The following NAV1 variants were observed in gnomAD, a reference collection of about 807,000 sequenced individuals.
NAV1 encodes the protein pore membrane and/or filament interacting like protein 3.
Under a neutral mutation model 175.2 loss-of-function variants are expected in NAV1, and 18 were observed. That is an observed-to-expected ratio of 0.10 (90% confidence interval 0.07 to 0.15). The LOEUF (loss-of-function observed/expected upper bound fraction) is 0.15, where lower values mean the gene tolerates loss of function less well. Ranked by LOEUF, NAV1 falls within the 10% of genes least tolerant of loss-of-function variation. NAV1 has a pLI of 1.00. For missense variants in NAV1, 1,731 were observed against 2,436.6 expected, an observed-to-expected ratio of 0.71 and a Z score of 6.10; for synonymous variants, 897 against 978.7, an observed-to-expected ratio of 0.92 and a Z score of 1.56.
At chr1:201,560,573 C>T (rs1666168291) in intron 1 of NAV1, among the ~76,000 whole-genome samples, 5 of 152,214 alleles carry the variant, frequency 3.3e-5, no homozygotes, top group Admixed American at 3.3e-4. Flanking sequence ...CTGGAATTGG[C>T]AATGGACCCT....
At chr1:201,673,056 C>T (rs1670106008) in intron 1 of NAV1, 1 of 152,238 alleles carries the variant, frequency 6.6e-6, no homozygotes, top group Admixed American at 6.5e-5. Flanking sequence ...TAATTTTAAA[C>T]ACACCTCTTT....
At chr1:201,633,524 G>A (rs749945656) in intron 2 of NAV1, among the ~76,000 whole-genome samples, 1 of 152,178 alleles carries the variant, frequency 6.6e-6, no homozygotes, top group Non-Finnish European at 1.5e-5. Context: ...GTCGCACACT[G>A]TCCAAGCTCA....
At chr1:201,805,132 A>G (rs2102796076) in intron 17 of NAV1, among the ~76,000 whole-genome samples, 1 of 152,308 alleles carries the variant, frequency 6.6e-6, no homozygotes, top group East Asian at 1.9e-4. Context: ...TATGAACCAG[A>G]TACCTGAGGT....
upstream of NAV1, among the ~76,000 whole-genome samples, chr1:201,647,855 T>A (rs973307007): frequency 6.6e-6 from 1 of 151,744 alleles, no homozygotes; most frequent in Non-Finnish European, 1.5e-5. Flanking sequence ...TGAGCCGCCC[T>A]CCCTCCGTCT....
rs1671108739 is a variant in NAV1, at chr1:201,694,579, T to C, written c.758-18238T>C. Among the ~76,000 whole-genome samples, 1 of 152,106 alleles carries C rather than the reference T, an allele frequency of 6.6e-6. No individual in the cohort carries two copies. The highest frequency in any genetic ancestry group is 2.4e-5 in the African/African-American group (1 of 41,410). ...AGGGAGGAGGGTAAGTCTGGGAAGCTGGCCCCAGTGGGTGATCAGCAACAT... is the reference window on the plus strand; with the variant it reads ...AGGGAGGAGGGTAAGTCTGGGAAGCCGGCCCCAGTGGGTGATCAGCAACAT... On this transcript the variant is annotated intron_variant, in intron 1 of 29. Transcript: ENST00000367296. The surrounding 1 kb of genome is among the most constrained non-coding windows in gnomAD (Gnocchi z 4.2).
In NAV1 at chr1:201,733,151, C is replaced by T. The variant is rs113926304; in HGVS notation, c.1226+14396C>T. 2.8e-3 allele frequency among the ~76,000 whole-genome samples: 424 copies of T among 151,372 alleles called. 1 individual carries two copies. The highest frequency in any genetic ancestry group is 9.1e-3 in the African/African-American group (373 of 41,200). On this transcript the variant is annotated intron_variant, in intron 3 of 29. Coordinates refer to ENST00000367296, the Ensembl canonical transcript of NAV1. ...ATCCCAGCATTTTTGGAGGCCAAGGCGGGCGGATCATGAGGTCAAGAGATC... is the reference window on the plus strand; with the variant it reads ...ATCCCAGCATTTTTGGAGGCCAAGGTGGGCGGATCATGAGGTCAAGAGATC...
intron 1 of NAV1, among the ~76,000 whole-genome samples, chr1:201,699,654 C>T (rs1394643265): frequency 6.6e-6 from 1 of 152,184 alleles, no homozygotes; most frequent in African/African-American, 2.4e-5. Flanking sequence ...GCCAAAAGAA[C>T]AAAGCTGGAG....
At chr1:201,785,261 C>T (rs754744333) in intron 7 of NAV1, 49 bp from the exon 12 acceptor site, 5 of 1,588,042 alleles carry the variant, frequency 3.1e-6, no homozygotes, top group Admixed American at 1.7e-5. Flanking sequence ...AAGATGGACC[C>T]ACATGCTTCT....
chr1:201,780,932 A>T (rs1676286159), intron 4 of NAV1, 80 bp from the exon 9 acceptor site: 2 of 1,461,526 alleles, frequency 1.4e-6, no homozygotes, highest in Admixed American at 4.7e-5. Flanking sequence ...GCCAGGTACT[A>T]ACTAAAATCA....
chr1:201,723,238 A>C (rs569751068), intron 3 of NAV1: 1 of 152,338 alleles, frequency 6.6e-6, no homozygotes, highest in East Asian at 1.9e-4. Context: ...TTCTTTGGAG[A>C]GATATCTATT....
chr1:201,737,719 C>T (rs1673174572), intron 3 of NAV1, among the ~76,000 whole-genome samples: 1 of 152,172 alleles, frequency 6.6e-6, no homozygotes, highest in South Asian at 2.1e-4. Context: ...CCTCAGATCT[C>T]CCTCCTTCCA....
chr1:201,775,376 A>G (rs1675868393), intron 3 of NAV1, among the ~76,000 whole-genome samples: 2 of 152,198 alleles, frequency 1.3e-5, no homozygotes, highest in Non-Finnish European at 2.9e-5. Flanking sequence ...GGAGTTTGGA[A>G]GACTCACCTC....
chr1:201,710,763 G>A lies in NAV1; in HGVS notation c.758-2054G>A, dbSNP rs145629701. Among the ~76,000 whole-genome samples the A allele has an allele frequency of 2.6e-5, 4 of 152,346 alleles. No homozygotes were observed. In the East Asian group the frequency reaches 7.7e-4, roughly 29 times the overall value. ...TCTCTGAGTGTCAGTTTTCTCATCT[G>A]TTAAATGGGGCAGTAGCACAAATCT... On this transcript the variant is annotated intron_variant, in intron 1 of 29. Transcript: ENST00000367296.
At position 201,743,302 on chromosome 1, in the gene NAV1, G is replaced by C. The variant is rs1252005784; in HGVS notation, c.1226+24547G>C. ...GAGAGTAATTGGAGGACTCAGCAAA[G>C]GTTTAGAGTTGGCCTGCGACTTTAG... is the stretch of plus-strand genomic sequence containing the variant. On this transcript the variant is annotated intron_variant, in intron 3 of 29. Transcript: ENST00000367296. 2.0e-5 allele frequency among the ~76,000 whole-genome samples: 3 copies of C among 152,306 alleles called. No individual in the cohort carries two copies. The East Asian group carries it at 5.8e-4, about 29-fold the overall frequency.
chr1:201,789,772 G>A, exon 11 of NAV1: 2 of 1,614,070 alleles, frequency 1.2e-6, no homozygotes, highest in Non-Finnish European at 1.7e-6. Flanking sequence ...GGCCTCCAGT[G>A]CCTCCTCCAC....
chr1:201,725,526 C>T (rs1384445222), intron 3 of NAV1, among the ~76,000 whole-genome samples: 2 of 151,998 alleles, frequency 1.3e-5, no homozygotes, highest in Admixed American at 6.6e-5. Context: ...TGGATAGTCT[C>T]AACTACCTGG....
chr1:201,701,748 A>G (rs1270536), intron 1 of NAV1, among the ~76,000 whole-genome samples: 129,511 of 152,260 alleles, frequency 0.85, 55,154 homozygotes, highest in East Asian at 0.93. Context: ...CAGTGAAGAT[A>G]TGGAGAAATT....
intron 1 of NAV1, among the ~76,000 whole-genome samples, chr1:201,686,423 C>A (rs1463308993): frequency 6.6e-6 from 1 of 152,216 alleles, no homozygotes; most frequent in Non-Finnish European, 1.5e-5. Flanking sequence ...TCTGATTAAA[C>A]TATAGGACAA....
chr1:201,813,739 A>G lies in NAV1; in HGVS notation c.5340+481A>G, dbSNP rs888294247. On this transcript the variant is annotated intron_variant, in intron 28 of 29. Transcript: ENST00000367296. This position sits in a 1 kb window ranked among gnomAD's most constrained non-coding sequence, Gnocchi z 4.2. ...ACTGGAGTCTTTTGAAGACAAAATGAAATATGTGAAAAGATTTTTAAAAGT... is the reference window on the plus strand; with the variant it reads ...ACTGGAGTCTTTTGAAGACAAAATGGAATATGTGAAAAGATTTTTAAAAGT... Among the ~76,000 whole-genome samples the G allele has an allele frequency of 1.3e-5, 2 of 151,976 alleles. No individual in the cohort carries two copies. Among genetic ancestry groups the G allele is most frequent in the Non-Finnish European group, 2.9e-5 (2 of 68,012 alleles).
Sources: gnomAD v4.1 joint callset for allele counts (sites outside exome capture counted in the v4.1 genomes callset) on GRCh38, gnomAD v4.1.1 for gene constraint, Gnocchi (gnomAD v3.1) non-coding constraint, MANE v1.5 for transcripts, NCBI Gene and HGNC (gene_info 2026-07-23, HGNC 2026-07-21) for gene names.